Variants in TRIO observed in about 807,000 individuals in gnomAD.
The protein encoded by TRIO is triple functional domain protein.
A neutral mutation model predicts 351.9 loss-of-function variants in TRIO; 58 were observed. The ratio of observed to expected loss-of-function variants is 0.16; its 90% confidence interval spans 0.13 to 0.21. The LOEUF (loss-of-function observed/expected upper bound fraction) is 0.21, where lower values mean the gene tolerates loss of function less well. Ranked by LOEUF, TRIO falls within the 10% of genes least tolerant of loss-of-function variation. The pLI is 1.00. For synonymous variants in TRIO, 1,758 were observed against 1,595.7 expected, an observed-to-expected ratio of 1.10 and a Z score of -2.42; for missense variants, 3,201 against 4,027.8, an observed-to-expected ratio of 0.79 and a Z score of 5.56.
chr5:14,199,842 A>T (rs926284601), intron 1 of TRIO, among the ~76,000 whole-genome samples: 1 of 152,208 alleles, frequency 6.6e-6, no homozygotes, highest in Non-Finnish European at 1.5e-5. Context: ...AGTTGGAAGT[A>T]AGGCTGTACC....
chr5:14,170,431 G>C (rs1309953267), intron 1 of TRIO, among the ~76,000 whole-genome samples: 1 of 150,798 alleles, frequency 6.6e-6, no homozygotes, highest in African/African-American at 2.4e-5. Context: ...AACAATCTTT[G>C]ATTCTTATTC....
chr5:14,423,240 T>C (rs1456841987), intron 34 of TRIO, among the ~76,000 whole-genome samples: 1 of 152,348 alleles, frequency 6.6e-6, no homozygotes, highest in African/African-American at 2.4e-5. Flanking sequence ...GGCCTAGGCC[T>C]GGAGGCTGTG....
At position 14,411,975 on chromosome 5, in the gene TRIO, TTTTC is replaced by T. The variant is rs1378901191; in HGVS notation, c.4959+5319_4959+5322del. 2.5e-4 allele frequency among the ~76,000 whole-genome samples: 37 copies of T among 150,470 alleles called. 1 individual carries two copies. The highest frequency in any genetic ancestry group is 7.3e-4 in the Admixed American group (11 of 15,172). ...GACATGAGGTTCTATGTGTTGTTTTTTTTCTTTCTTTCTTTCTTTTTTTTTTTTT... is the reference window on the plus strand; with the variant it reads ...GACATGAGGTTCTATGTGTTGTTTTTTTTCTTTCTTTCTTTTTTTTTTTTT... On this transcript the variant is annotated intron_variant, in intron 33 of 56. Transcript: ENST00000344204.
chr5:14,406,451 G>T (rs936560088), intron 32 of TRIO, 122 bp from the exon 33 acceptor site: 9 of 883,040 alleles, frequency 1.0e-5, no homozygotes, highest in Admixed American at 1.8e-5. Flanking sequence ...ACCATTGTCC[G>T]CATCCTGGCA....
At chr5:14,406,035 G>A (rs1424885510) in intron 32 of TRIO, 45 bp downstream of exon 32, 2 of 1,596,788 alleles carry the variant, frequency 1.3e-6, no homozygotes, top group Non-Finnish European at 1.7e-6. Flanking sequence ...GTGGGAGGGA[G>A]GGGCGAGGCG....
chr5:14,269,414 A>G (rs1488602959), intron 1 of TRIO, among the ~76,000 whole-genome samples: 1 of 152,246 alleles, frequency 6.6e-6, no homozygotes, highest in Admixed American at 6.5e-5. Context: ...TTTAGCAGGC[A>G]TGTAATTTGG....
chr5:14,351,191 A>C (rs1273259667), intron 11 of TRIO, among the ~76,000 whole-genome samples: 2 of 152,136 alleles, frequency 1.3e-5, no homozygotes, highest in African/African-American at 4.8e-5. Context: ...CAAGAATGAA[A>C]AGGTGCTTCC....
intron 1 of TRIO, among the ~76,000 whole-genome samples, chr5:14,175,629 A>C (rs1357368727): frequency 6.6e-6 from 1 of 152,242 alleles, no homozygotes; most frequent in Non-Finnish European, 1.5e-5. Context: ...GAGACTCAGA[A>C]TAAAGCTTAC....
chr5:14,317,730 G>A (rs1047086006), intron 9 of TRIO, among the ~76,000 whole-genome samples: 10 of 152,200 alleles, frequency 6.6e-5, no homozygotes, highest in Admixed American at 3.3e-4. Context: ...GGTGGCTCAC[G>A]CCTGTAATCC....
intron 27 of TRIO, among the ~76,000 whole-genome samples, chr5:14,392,489 A>C (rs550869091): frequency 6.6e-6 from 1 of 152,360 alleles, no homozygotes; most frequent in African/African-American, 2.4e-5. Context: ...GGGAGTGTAA[A>C]TTAGTTCAAC....
At chr5:14,323,519 C>CAGAG (rs71599617) in intron 9 of TRIO, among the ~76,000 whole-genome samples, 8 of 35,116 alleles carry the variant, frequency 2.3e-4, no homozygotes, top group East Asian at 1.4e-3. Flanking sequence ...CACTTAAGAA[C>CAGAG]AGAGAGAGAG....
At chr5:14,371,897 C>T (rs1485692919) in intron 18 of TRIO, among the ~76,000 whole-genome samples, 1 of 152,100 alleles carries the variant, frequency 6.6e-6, no homozygotes, top group African/African-American at 2.4e-5. Context: ...CCACCTTGGC[C>T]TCCCAAAATA....
At chr5:14,318,454 C>CAA (rs35221462) in intron 9 of TRIO, among the ~76,000 whole-genome samples, 2,117 of 115,452 alleles carry the variant, frequency 0.018, 62 homozygotes, top group African/African-American at 0.065. Context: ...GACTCCATCT[C>CAA]AAAAAAAAAA....
intron 35 of TRIO, 57 bp downstream of exon 35, chr5:14,461,368 G>A: frequency 6.9e-7 from 1 of 1,448,320 alleles, no homozygotes; most frequent in Admixed American, 2.7e-5. Context: ...GGCTTTTGCT[G>A]CAAGAATAGT....
intron 1 of TRIO, among the ~76,000 whole-genome samples, chr5:14,226,458 G>A (rs1490848907): frequency 6.6e-6 from 1 of 152,124 alleles, no homozygotes; most frequent in Admixed American, 6.5e-5. Context: ...GTGGAGCGTG[G>A]ACGACAAACA....
chr5:14,395,528 C>T (rs1747485679), intron 28 of TRIO, among the ~76,000 whole-genome samples: 1 of 152,122 alleles, frequency 6.6e-6, no homozygotes, highest in Non-Finnish European at 1.5e-5. Flanking sequence ...GGTTTTCTGC[C>T]AGTTGTCAGT....
chr5:14,373,077 TCACAAAACCATCACA>T (rs1280279738), intron 18 of TRIO, among the ~76,000 whole-genome samples: 1,903 of 152,202 alleles, frequency 0.013, 45 homozygotes, highest in African/African-American at 0.043. Context: ...GAAAAGCCCC[TCACAAAACCATCACA>T]TCTTGTGAGA....
intron 1 of TRIO, among the ~76,000 whole-genome samples, chr5:14,201,513 G>A (rs1791108396): frequency 6.6e-6 from 1 of 152,108 alleles, no homozygotes; most frequent in Non-Finnish European, 1.5e-5. Flanking sequence ...GGTTTTAAGA[G>A]CATTTGGCAG....
chr5:14,230,895 A>T (rs561187869), intron 1 of TRIO, among the ~76,000 whole-genome samples: 1 of 152,306 alleles, frequency 6.6e-6, no homozygotes, highest in African/African-American at 2.4e-5. Context: ...CTGGAAAGTG[A>T]TGGAGTTATG....
Sources: allele counts gnomAD v4.1 joint callset (sites outside exome capture counted in the v4.1 genomes callset), GRCh38; gene constraint gnomAD v4.1.1; transcripts MANE v1.5; gene names NCBI Gene and HGNC (gene_info 2026-07-23, HGNC 2026-07-21).